YAP1: variants seen among roughly 807,000 people sequenced by gnomAD.
YAP1 encodes the protein transcriptional coactivator YAP1.
A neutral mutation model predicts 56.9 loss-of-function variants in YAP1; 5 were observed. That is an observed-to-expected ratio of 0.09 (90% CI 0.05 to 0.18). YAP1 has a LOEUF of 0.18. YAP1 is among the 10% of genes least tolerant of loss of function. The pLI, the probability that YAP1 is intolerant of heterozygous loss-of-function variation, is 1.00. For missense variants in YAP1, 539 were observed against 651.8 expected, an observed-to-expected ratio of 0.83 and a Z score of 1.88; for synonymous variants, 265 against 248.1, an observed-to-expected ratio of 1.07 and a Z score of -0.64.
At chr11:102,209,594 G>GA (rs35731181) in intron 6 of YAP1, 30 bp downstream of exon 6, 50,660 of 1,295,208 alleles carry the variant, frequency 0.039, 76 homozygotes, top group Admixed American at 0.1. Context: ...TTTAGCACTG[G>GA]AAAAAAAAAA....
intron 4 of YAP1, among the ~76,000 whole-genome samples, chr11:102,199,193 A>G (rs60269946): frequency 0.041 from 6,205 of 152,310 alleles, 385 homozygotes; most frequent in African/African-American, 0.14. Flanking sequence ...AGTCCTCATA[A>G]TAACTCAAAT....
chr11:102,163,627 C>T (rs74391233), intron 3 of YAP1, among the ~76,000 whole-genome samples: 3,303 of 152,232 alleles, frequency 0.022, 53 homozygotes, highest in Non-Finnish European at 0.035. Flanking sequence ...CTTTCTCCAC[C>T]GCCCATGCAT....
intron 4 of YAP1, among the ~76,000 whole-genome samples, chr11:102,193,715 T>G (rs946054139): frequency 6.6e-6 from 1 of 152,240 alleles, no homozygotes; most frequent in Non-Finnish European, 1.5e-5. Flanking sequence ...ACATGAAAGT[T>G]TAAGACCAGC....
intron 8 of YAP1, among the ~76,000 whole-genome samples, chr11:102,227,829 G>A (rs977953005): frequency 6.6e-6 from 1 of 152,094 alleles, no homozygotes; most frequent in Non-Finnish European, 1.5e-5. Context: ...AGCATTTTGG[G>A]AGGCCAAAGT....
chr11:102,226,787 C>T (rs985254970), intron 7 of YAP1, among the ~76,000 whole-genome samples: 3 of 152,028 alleles, frequency 2.0e-5, no homozygotes, highest in Non-Finnish European at 2.9e-5. Context: ...TATGATTTCC[C>T]GTTTCGTTTC....
chr11:102,197,158 C>G (rs2135556047), intron 4 of YAP1, among the ~76,000 whole-genome samples: 1 of 152,192 alleles, frequency 6.6e-6, no homozygotes, highest in Non-Finnish European at 1.5e-5. Context: ...TTTGAGTACA[C>G]TCGTAGGTAT....
chr11:102,223,958 T>C (rs1950073183), intron 7 of YAP1, among the ~76,000 whole-genome samples: 1 of 152,248 alleles, frequency 6.6e-6, no homozygotes, highest in Admixed American at 6.5e-5. Context: ...TTCAGACTTG[T>C]ACAAGGGATA....
At chr11:102,201,046 A>G (rs890435134) in intron 4 of YAP1, among the ~76,000 whole-genome samples, 1 of 152,182 alleles carries the variant, frequency 6.6e-6, no homozygotes, top group Non-Finnish European at 1.5e-5. Flanking sequence ...TTATGCTTTC[A>G]ACATTCAACT....
chr11:102,178,864 G>A (rs1410704218), intron 3 of YAP1, among the ~76,000 whole-genome samples: 4 of 152,158 alleles, frequency 2.6e-5, no homozygotes, highest in Non-Finnish European at 5.9e-5. Flanking sequence ...GTCTGCTTCT[G>A]GTGAGGACCT....
chr11:102,223,834 T>C, intron 7 of YAP1, 82 bp downstream of exon 7: 1 of 1,551,772 alleles, frequency 6.4e-7, no homozygotes, highest in Non-Finnish European at 8.8e-7. Flanking sequence ...TAATAGGCTA[T>C]TTGGAACATC....
chr11:102,149,050 C>G (rs755371769), intron 2 of YAP1, among the ~76,000 whole-genome samples: 1 of 152,076 alleles, frequency 6.6e-6, no homozygotes, highest in Non-Finnish European at 1.5e-5. Context: ...TCATGTGTTG[C>G]TATGTAGTTT....
chr11:102,198,298 G>T (rs1948673332), intron 4 of YAP1, among the ~76,000 whole-genome samples: 3 of 152,144 alleles, frequency 2.0e-5, no homozygotes, highest in African/African-American at 7.2e-5. Context: ...TTTGTTGTCA[G>T]CATTGGCTAT....
At chr11:102,192,462 C>A (rs1200054060) in intron 4 of YAP1, among the ~76,000 whole-genome samples, 1 of 152,210 alleles carries the variant, frequency 6.6e-6, no homozygotes, top group Non-Finnish European at 1.5e-5. Context: ...GCTAGCATCT[C>A]TTTTCCACAT....
At chr11:102,188,009 C>G (rs1948071632) in intron 4 of YAP1, among the ~76,000 whole-genome samples, 1 of 152,116 alleles carries the variant, frequency 6.6e-6, no homozygotes, top group Non-Finnish European at 1.5e-5. Flanking sequence ...TCAGAGAGCT[C>G]AAGTGTAACT....
chr11:102,137,600 T>C (rs1392845569), intron 2 of YAP1, among the ~76,000 whole-genome samples: 1 of 152,222 alleles, frequency 6.6e-6, no homozygotes, highest in Non-Finnish European at 1.5e-5. Context: ...TAAAAGACTT[T>C]GCTGCCTCTC....
intron 6 of YAP1, among the ~76,000 whole-genome samples, chr11:102,222,284 A>C (rs1036688894): frequency 3.3e-5 from 5 of 152,230 alleles, no homozygotes; most frequent in Non-Finnish European, 5.9e-5. Flanking sequence ...ATGTATTTCA[A>C]ATCAAACCCA....
rs144759109 is a variant in YAP1, at chr11:102,196,235, C to T, written c.803-9658C>T. 6.8e-4 allele frequency among the ~76,000 whole-genome samples: 104 copies of T among 152,034 alleles called. 2 individuals carry two copies. Among genetic ancestry groups the T allele is most frequent in the African/African-American group, 2.1e-3 (87 of 41,472 alleles). ...AACGTATGTCTCCACGTTGTGGGAACGTATGTCTCCACAAAAACCTGTACC... is the reference window on the plus strand; with the variant it reads ...AACGTATGTCTCCACGTTGTGGGAATGTATGTCTCCACAAAAACCTGTACC... On this transcript the variant is annotated intron_variant, in intron 4 of 8. Transcript: ENST00000282441.
chr11:102,197,060 T>C (rs1430547270), intron 4 of YAP1, among the ~76,000 whole-genome samples: 1 of 152,218 alleles, frequency 6.6e-6, no homozygotes, highest in Non-Finnish European at 1.5e-5. Flanking sequence ...GTGTTTTGTT[T>C]TTACTGCTTT....
At chr11:102,135,904 T>C (rs1944649240) in intron 2 of YAP1, among the ~76,000 whole-genome samples, 1 of 152,246 alleles carries the variant, frequency 6.6e-6, no homozygotes, top group Non-Finnish European at 1.5e-5. Context: ...TGCTGTATAT[T>C]TTCATAGCTG....
Sources: allele counts gnomAD v4.1 joint callset (sites outside exome capture counted in the v4.1 genomes callset), GRCh38; gene constraint gnomAD v4.1.1; transcripts MANE v1.5; gene names NCBI Gene and HGNC (gene_info 2026-07-23, HGNC 2026-07-21).